PUM1: variants seen among roughly 807,000 people sequenced by gnomAD.
PUM1 encodes pumilio homolog 1.
Under a neutral mutation model 131.8 loss-of-function variants are expected in PUM1, and 13 were observed. The observed-to-expected ratio is 0.10, with a 90% confidence interval of 0.06 to 0.16. The LOEUF (loss-of-function observed/expected upper bound fraction) is 0.16. PUM1 is among the 10% of genes least tolerant of loss of function. The probability of loss-of-function intolerance (pLI) is 1.00; values close to 1 mark genes in which losing one functional copy is unlikely to be tolerated. For missense variants in PUM1, 961 were observed against 1,512.4 expected, an observed-to-expected ratio of 0.64 and a Z score of 6.05; for synonymous variants, 509 against 556.5, an observed-to-expected ratio of 0.91 and a Z score of 1.20.
At chr1:31,020,276 CAT>C (rs1228829382) in intron 3 of PUM1, among the ~76,000 whole-genome samples, 2 of 152,180 alleles carry the variant, frequency 1.3e-5, no homozygotes, top group Admixed American at 1.3e-4. Context: ...AGGTGTACCA[CAT>C]GTTCCTTATC....
chr1:30,953,580 T>C (rs970232254), intron 15 of PUM1, 134 bp downstream of exon 15: 5 of 914,648 alleles, frequency 5.5e-6, no homozygotes, highest in African/African-American at 5.0e-5. Context: ...TATGAAATAA[T>C]GTGATGCAAA....
chr1:30,938,318 T>A (rs1395263856), intron 20 of PUM1, among the ~76,000 whole-genome samples: 1 of 152,124 alleles, frequency 6.6e-6, no homozygotes, highest in Admixed American at 6.5e-5. Flanking sequence ...AGTGGCACGA[T>A]CTCGACTCAC....
chr1:31,032,180 G>T (rs1643453872), intron 2 of PUM1, among the ~76,000 whole-genome samples: 1 of 152,164 alleles, frequency 6.6e-6, no homozygotes, highest in African/African-American at 2.4e-5. Context: ...TAACTATTTG[G>T]GAACTTATTT....
chr1:31,028,747 A>G (rs1267289327), intron 3 of PUM1, 49 bp downstream of exon 3: 1 of 1,428,164 alleles, frequency 7.0e-7, no homozygotes, highest in Non-Finnish European at 9.9e-7. Context: ...GACAACTCCA[A>G]CCTTCCCTTA....
At chr1:31,000,940 ACTTTGGG>A (rs1281267980) in intron 5 of PUM1, among the ~76,000 whole-genome samples, 1 of 152,042 alleles carries the variant, frequency 6.6e-6, no homozygotes, top group Non-Finnish European at 1.5e-5. Context: ...TAATCCCAGC[ACTTTGGG>A]AGGCTGAGGC....
chr1:30,942,574 G>A (rs1346155456), intron 18 of PUM1, among the ~76,000 whole-genome samples: 3 of 152,110 alleles, frequency 2.0e-5, no homozygotes, highest in Non-Finnish European at 2.9e-5. Flanking sequence ...TAACTGTGAT[G>A]TTTTTCAGCA....
intron 7 of PUM1, among the ~76,000 whole-genome samples, chr1:30,986,211 T>C (rs1322461316): frequency 6.6e-6 from 1 of 152,126 alleles, no homozygotes; most frequent in East Asian, 1.9e-4. Flanking sequence ...AGCCTCAGCC[T>C]CCCAAAGCGC....
intron 19 of PUM1, among the ~76,000 whole-genome samples, chr1:30,941,699 T>G (rs1400915164): frequency 6.6e-6 from 1 of 152,156 alleles, no homozygotes; most frequent in Non-Finnish European, 1.5e-5. Flanking sequence ...ATCAACTTAT[T>G]TCATTTAACG....
At chr1:31,040,482 A>G (rs968230650) in intron 2 of PUM1, among the ~76,000 whole-genome samples, 1 of 152,250 alleles carries the variant, frequency 6.6e-6, no homozygotes, top group Non-Finnish European at 1.5e-5. Context: ...AGAAAACTAC[A>G]TAAATAAAAA....
chr1:31,010,972 T>C (rs959598859), intron 3 of PUM1, among the ~76,000 whole-genome samples: 4 of 152,120 alleles, frequency 2.6e-5, no homozygotes, highest in Non-Finnish European at 5.9e-5. Context: ...GCAACCAACA[T>C]AGCGAGACTC....
rs1639426203 is a variant in PUM1 at position 30,941,143 on chromosome 1, G to A, written c.3242+8C>T. On this transcript the variant is annotated splice_region_variant and intron_variant, in intron 20 of 21. Transcript: ENST00000426105. Reference sequence around the variant, plus strand: ...TGGGAAATAGTCCTTGTAACTCAAAGCACGTACCTTGCAAATTTGTGCTGA... The same window carrying A: ...TGGGAAATAGTCCTTGTAACTCAAAACACGTACCTTGCAAATTTGTGCTGA... 4.3e-6 allele frequency: 7 copies of A among 1,611,820 alleles called. No homozygotes were observed. The highest frequency in any genetic ancestry group is 5.9e-6 in the Non-Finnish European group (7 of 1,178,570).
At chr1:30,999,629 A>C (rs1301018677) in intron 5 of PUM1, among the ~76,000 whole-genome samples, 5 of 148,098 alleles carry the variant, frequency 3.4e-5, no homozygotes, top group African/African-American at 1.3e-4. Context: ...AAAAAAAAAA[A>C]AAAAAAAAAA....
chr1:31,019,356 A>C (rs1642937983), intron 3 of PUM1, among the ~76,000 whole-genome samples: 1 of 152,214 alleles, frequency 6.6e-6, no homozygotes, highest in Non-Finnish European at 1.5e-5. Flanking sequence ...TGTTTCAAAA[A>C]CATAAATAAA....
chr1:31,016,825 T>A (rs1642835942), intron 3 of PUM1, among the ~76,000 whole-genome samples: 1 of 152,156 alleles, frequency 6.6e-6, no homozygotes, highest in Non-Finnish European at 1.5e-5. Flanking sequence ...ATACTGCTTT[T>A]AAAAAAAGCA....
At chr1:30,953,361 A>G (rs1557551545) in intron 15 of PUM1, among the ~76,000 whole-genome samples, 1 of 152,232 alleles carries the variant, frequency 6.6e-6, no homozygotes, top group Admixed American at 6.5e-5. Context: ...TCTGTCTTCT[A>G]TAATAGTTTC....
intron 2 of PUM1, among the ~76,000 whole-genome samples, chr1:31,032,426 T>C (rs1373008401): frequency 1.3e-5 from 2 of 152,212 alleles, no homozygotes; most frequent in Admixed American, 1.3e-4. Flanking sequence ...AATGCTCCCA[T>C]CAAGGTAGAA....
At chr1:31,044,493 T>C (rs1419478824) in intron 2 of PUM1, among the ~76,000 whole-genome samples, 1 of 152,126 alleles carries the variant, frequency 6.6e-6, no homozygotes, top group Non-Finnish European at 1.5e-5. Context: ...AAGAAGGCAG[T>C]CACAAAACAT....
chr1:30,936,561 G>T, intron 21 of PUM1, 82 bp downstream of exon 21: 2 of 1,340,082 alleles, frequency 1.5e-6, no homozygotes. Context: ...AAAAACAGCA[G>T]GGCACCCACC....
In PUM1 at chr1:31,000,738, TGA is replaced by T. The variant is rs545479009; in HGVS notation, c.720+5113_720+5114del. On this transcript the variant is annotated intron_variant, in intron 5 of 21. Coordinates refer to ENST00000426105, the MANE Select transcript of PUM1 (RefSeq NM_001020658.2). ...AGTATTTTATACCTGCTTGACACACTGAGTCCAAAAACTATAACAATGTTAAC... is the reference window on the plus strand; with the variant it reads ...AGTATTTTATACCTGCTTGACACACTGTCCAAAAACTATAACAATGTTAAC... Among the ~76,000 whole-genome samples, 894 of 152,318 alleles carry T rather than the reference TGA, an allele frequency of 5.9e-3. 1 individual carries two copies. The highest frequency in any genetic ancestry group is 9.1e-3 in the Non-Finnish European group (617 of 68,032).
Sources: gnomAD v4.1 joint callset for allele counts (sites outside exome capture counted in the v4.1 genomes callset) on GRCh38, gnomAD v4.1.1 for gene constraint, MANE v1.5 for transcripts, NCBI Gene and HGNC (gene_info 2026-07-23, HGNC 2026-07-21) for gene names.